Variants in WDPCP observed in about 807,000 individuals in gnomAD.
The protein encoded by WDPCP is WD repeat-containing and planar cell polarity effector protein fritz homolog.
WDPCP carries 71 observed loss-of-function variants against 93.1 expected under a neutral mutation model. The ratio of observed to expected loss-of-function variants is 0.76; its 90% CI spans 0.63 to 0.93. WDPCP has a LOEUF of 0.93. Ranked by LOEUF, WDPCP falls within the 40% of genes least tolerant of loss-of-function variation. The pLI is 0.00. For missense variants in WDPCP, 844 were observed against 887.4 expected (o/e 0.95, Z 0.62); for synonymous variants, 315 against 315.0 (o/e 1.00, Z 0.00).
At chr2:63,544,024 G>A (rs1293338590) in intron 1 of WDPCP, among the ~76,000 whole-genome samples, 1 of 152,112 alleles carries the variant, frequency 6.6e-6, no homozygotes, top group Non-Finnish European at 1.5e-5. Context: ...GACTTCTAGT[G>A]TAAATCACAA....
intron 12 of WDPCP, among the ~76,000 whole-genome samples, chr2:63,373,254 G>GTT (rs70965124): frequency 6.0e-4 from 86 of 143,512 alleles, no homozygotes; most frequent in South Asian, 1.1e-3. Flanking sequence ...TTTTTTTGTT[G>GTT]TTTTTTTTTT....
chr2:63,451,643 A>G (rs1422129098), intron 6 of WDPCP, among the ~76,000 whole-genome samples: 1 of 152,214 alleles, frequency 6.6e-6, no homozygotes, highest in Non-Finnish European at 1.5e-5. Context: ...CACAACAAAA[A>G]AAGAGGATTT....
At chr2:63,330,589 A>G (rs1280095016) in intron 12 of WDPCP, among the ~76,000 whole-genome samples, 1 of 151,588 alleles carries the variant, frequency 6.6e-6, no homozygotes, top group Non-Finnish European at 1.5e-5. Flanking sequence ...AGTTTCATGT[A>G]GTTTCATTTC....
chr2:63,171,366 T>TAAAG (rs1388601173), intron 15 of WDPCP, among the ~76,000 whole-genome samples: 1 of 152,090 alleles, frequency 6.6e-6, no homozygotes, highest in East Asian at 1.9e-4. Flanking sequence ...ACAAGACAAC[T>TAAAG]AAAGAATGGA....
At chr2:63,697,968 A>C (rs192489596) in intron 2 of WDPCP, among the ~76,000 whole-genome samples, 106 of 131,616 alleles carry the variant, frequency 8.1e-4, no homozygotes, top group African/African-American at 2.8e-3. Flanking sequence ...TTTTTTTTTA[A>C]GATAGAGTCT....
At chr2:63,315,079 T>G (rs1559313453) in intron 12 of WDPCP, among the ~76,000 whole-genome samples, 1 of 152,004 alleles carries the variant, frequency 6.6e-6, no homozygotes, top group Non-Finnish European at 1.5e-5. Flanking sequence ...AAATACTTAG[T>G]TAAAGTAAAT....
chr2:63,762,700 C>G (rs543017179), intron 2 of WDPCP, among the ~76,000 whole-genome samples: 1 of 152,226 alleles, frequency 6.6e-6, no homozygotes, highest in South Asian at 2.1e-4. Context: ...ATCTTTTTCT[C>G]GTCTTATAAA....
At chr2:63,773,759 T>C (rs1032740260) in intron 2 of WDPCP, among the ~76,000 whole-genome samples, 8 of 152,204 alleles carry the variant, frequency 5.3e-5, no homozygotes, top group Admixed American at 3.9e-4. Context: ...AAAAGAGCTA[T>C]ATAATTTAAT....
chr2:63,487,381 G>A (rs972742142), intron 3 of WDPCP, 66 bp downstream of exon 3: 1 of 1,142,610 alleles, frequency 8.8e-7, no homozygotes, highest in African/African-American at 1.6e-5. Context: ...AGCTTTTAAT[G>A]GTCAGTATTT....
intron 2 of WDPCP, among the ~76,000 whole-genome samples, chr2:63,713,259 G>A (rs1045857211): frequency 2.0e-5 from 3 of 152,014 alleles, no homozygotes; most frequent in African/African-American, 7.2e-5. Flanking sequence ...CACCCCTTTG[G>A]GTCCTTTCAT....
chr2:63,602,934 CTTTTTTTTTTTTTTTTTTTTTT>C (rs370479356), intron 3 of WDPCP, among the ~76,000 whole-genome samples: 9 of 131,538 alleles, frequency 6.8e-5, no homozygotes, highest in South Asian at 4.8e-4. Flanking sequence ...TTTAACCGTT[CTTTTTTTTTTTTTTTTTTTTTT>C]TTTTTTTTTT....
intron 6 of WDPCP, among the ~76,000 whole-genome samples, chr2:63,467,682 A>G (rs542500321): frequency 9.3e-5 from 14 of 150,264 alleles, no homozygotes; most frequent in Admixed American, 2.0e-4. Context: ...AGGCTAAGGC[A>G]GGAGAATTGC....
intron 12 of WDPCP, among the ~76,000 whole-genome samples, chr2:63,327,594 C>T (rs982754222): frequency 6.6e-6 from 1 of 152,128 alleles, no homozygotes; most frequent in Non-Finnish European, 1.5e-5. Flanking sequence ...AGGGGAAGAA[C>T]GTTGCTTTTA....
At chr2:63,703,821 T>C (rs888120148) in intron 2 of WDPCP, among the ~76,000 whole-genome samples, 1 of 152,204 alleles carries the variant, frequency 6.6e-6, no homozygotes, top group East Asian at 1.9e-4. Flanking sequence ...AAGTAGTTTT[T>C]TCCCATTCTG....
intron 1 of WDPCP, among the ~76,000 whole-genome samples, chr2:63,548,689 C>T (rs1705337161): frequency 1.3e-5 from 2 of 151,048 alleles, no homozygotes; most frequent in Non-Finnish European, 2.9e-5. Context: ...AGACCGAGCT[C>T]TCGCCATGTT....
intron 15 of WDPCP, among the ~76,000 whole-genome samples, chr2:63,155,886 G>GA (rs1672208907): frequency 6.6e-6 from 1 of 152,064 alleles, no homozygotes; most frequent in African/African-American, 2.4e-5. Flanking sequence ...AAATCCTTCT[G>GA]GGATTTTGAT....
chr2:63,389,383 A>C (rs2104993794), intron 10 of WDPCP, among the ~76,000 whole-genome samples: 1 of 152,332 alleles, frequency 6.6e-6, no homozygotes, highest in Admixed American at 6.5e-5. Flanking sequence ...CTGCCTTACA[A>C]GAGCTCCTAA....
the WDPCP span, among the ~76,000 whole-genome samples, chr2:63,840,764 C>G: frequency 6.6e-6 from 1 of 152,260 alleles, no homozygotes; most frequent in Non-Finnish European, 1.5e-5. Flanking sequence ...ACTGGCGAGG[C>G]TTCCCTGGCC....
intron 14 of WDPCP, among the ~76,000 whole-genome samples, chr2:63,185,047 A>G (rs1347109712): frequency 6.6e-6 from 1 of 152,056 alleles, no homozygotes. Flanking sequence ...TCATTTCCAA[A>G]AGTTATGTTT....
Sources: gnomAD v4.1 joint callset for allele counts (sites outside exome capture counted in the v4.1 genomes callset) on GRCh38, gnomAD v4.1.1 for gene constraint, MANE v1.5 for transcripts, NCBI Gene and HGNC (gene_info 2026-07-23, HGNC 2026-07-21) for gene names.